Variants in SLC19A1 observed in about 807,000 individuals in gnomAD.
The protein encoded by SLC19A1 is reduced folate transporter.
In SLC19A1, 37 loss-of-function variants were observed where a neutral mutation model predicts 35.3. That is an observed-to-expected ratio of 1.05 (90% confidence interval 0.81 to 1.38). SLC19A1 has a LOEUF of 1.38. SLC19A1 is among the 40% of genes most tolerant of loss of function. SLC19A1 has a pLI of 0.00. For synonymous variants in SLC19A1, 460 were observed against 398.5 expected, an observed-to-expected ratio of 1.15 and a Z score of -1.84; for missense variants, 831 against 826.9, an observed-to-expected ratio of 1.00 and a Z score of -0.06.
At position 45,515,189 on chromosome 21, in the gene SLC19A1, A is replaced by C. The variant is rs1220899450; in HGVS notation, c.*469T>G. On this transcript the variant is annotated 3_prime_UTR_variant, in exon 6 of 6. Coordinates refer to ENST00000311124, the MANE Select transcript of SLC19A1 (RefSeq NM_194255.4). ...AAAAAAAAAAAAAGCATCTTTCAAAAAAGCAAGAGCACCAAGGATGACCAG... is the reference window on the plus strand; with the variant it reads ...AAAAAAAAAAAAAGCATCTTTCAAACAAGCAAGAGCACCAAGGATGACCAG... 1 of 1,522,288 alleles carries C rather than the reference A, an allele frequency of 6.6e-7. No individual in the cohort carries two copies. Among genetic ancestry groups the C allele is most frequent in the Admixed American group, 2.3e-5 (1 of 43,386 alleles). 94.3% of individuals were successfully genotyped at this position (1,522,288 alleles called of 1,614,324 possible).
rs139525055 is a variant in SLC19A1 at position 45,537,808 on chromosome 21, T to C, written c.152A>G (p.Tyr51Cys). 2.0e-6 allele frequency: 3 copies of C among 1,508,604 alleles called. No homozygotes were observed. Among genetic ancestry groups the C allele is most frequent in the African/African-American group, 3.1e-5 (2 of 65,018 alleles). 93.5% of individuals were successfully genotyped at this position (1,508,604 alleles called of 1,614,324 possible). The change falls in exon 2 of 6, where the codon TAC (tyrosine) becomes TGC (cysteine). Residue 51 changes from tyrosine to cysteine, a missense_variant. Physicochemically the swap from Tyr to Cys is radical, Grantham distance 194. Coordinates refer to ENST00000311124, the MANE Select transcript of SLC19A1 (RefSeq NM_194255.4). The part of the protein sequence containing the change: ...IRPGESFITP[Y>C]LLGPDKNFTR... Reference sequence around the variant, plus strand: ...GAAGTTCTTGTCGGGCCCCAGGAGGTAGGGGGTGATGAAGCTCTCCCCTGG... The same window carrying C: ...GAAGTTCTTGTCGGGCCCCAGGAGGCAGGGGGTGATGAAGCTCTCCCCTGG...
Position 45,530,781 on chromosome 21 carries a change from C to G in SLC19A1, c.1140G>C (p.Val380=). 6.4e-7 allele frequency: 1 copy of G among 1,560,844 alleles called. No individual in the cohort carries two copies. The highest frequency in any genetic ancestry group is 1.2e-5 in the South Asian group (1 of 85,208). The stretch of plus-strand genomic sequence containing the variant: ...CTTCTGGAACTCACGTGGCGATGGG[C>G]ACGAGGAACTGGTAGGAGCCGCGGA... ...VLFRGSYQFL[V]PIATFQIASS... is the part of the protein sequence containing the mutation. Residue 380 remains valine (V), a synonymous_variant, in exon 4 of 6, where the codon GTG becomes GTC. Transcript: ENST00000311124. The surrounding 1 kb of genome is among the most constrained non-coding windows in gnomAD (Gnocchi z 5.3).
chr21:45,511,043 CCCACAAACACCCACACCCAT>C, downstream of SLC19A1: 1 of 450,596 alleles, frequency 2.2e-6, no homozygotes, highest in Non-Finnish European at 3.9e-6. Flanking sequence ...CACACACCCC[CCCACAAACACCCACACCCAT>C]CCACACCCCC....
chr21:45,504,228 TCA>T, intron 3 of SLC19A1: 2 of 925,266 alleles, frequency 2.2e-6, no homozygotes, highest in South Asian at 2.9e-5. Context: ...TGTCCCCGGC[TCA>T]GTTTTTGGGG....
At chr21:45,506,069 CAGGTGGCAGCCAGCGCTTCTT>C (rs2037186933) in intron 3 of SLC19A1, 5 of 1,551,752 alleles carry the variant, frequency 3.2e-6, no homozygotes, top group Admixed American at 3.4e-5. Context: ...GGGATGGGAG[CAGGTGGCAGCCAGCGCTTCTT>C]AAACTTTCAA....
At position 45,534,707 on chromosome 21, in the gene SLC19A1, C is replaced by G; in HGVS notation, c.190-2559G>C. 1.1e-6 allele frequency: 1 copy of G among 924,194 alleles called. No individual in the cohort carries two copies. Among genetic ancestry groups the G allele is most frequent in the Admixed American group, 2.1e-5 (1 of 46,744 alleles). 57.2% of individuals were successfully genotyped at this position (924,194 alleles called of 1,614,324 possible). On this transcript the variant is annotated intron_variant, in intron 2 of 5. Coordinates refer to ENST00000311124, the MANE Select transcript of SLC19A1 (RefSeq NM_194255.4). This position sits in a 1 kb window ranked among gnomAD's most constrained non-coding sequence, Gnocchi z 4.2. ...CTCTCCCTGCACCTCCTCAACGGCC[C>G]CTACTCCCTCTTCCTCAGCCTTGGC...
intron 5 of SLC19A1, among the ~76,000 whole-genome samples, chr21:45,520,976 C>T (rs1009747004): frequency 7.3e-5 from 11 of 150,644 alleles, no homozygotes; most frequent in Admixed American, 2.0e-4. Flanking sequence ...GCTGAGATTG[C>T]GCCATTGCAC....
Position 45,530,962 on chromosome 21 carries a change from G to A in SLC19A1, c.959C>T (p.Thr320Met). ...CTTCACGAAGCCCGCGGCGAAGGAC[G>A]TGATGGCGCCTGAGAGGGGAGGGAT... ...DAASTLLGAI[T>M]SFAAGFVKIR... Residue 320 changes from threonine (T) to methionine (M), a missense_variant, in exon 4 of 6, where the codon ACG becomes ATG. Physicochemically the swap from Thr to Met is moderately conservative, Grantham distance 81 (BLOSUM62 -1). Coordinates refer to ENST00000311124, the MANE Select transcript of SLC19A1 (RefSeq NM_194255.4). The surrounding 1 kb of genome is among the most constrained non-coding windows in gnomAD (Gnocchi z 5.3). 1.4e-6 allele frequency: 2 copies of A among 1,446,810 alleles called. No individual in the cohort carries two copies. The highest frequency in any genetic ancestry group is 1.8e-6 in the Non-Finnish European group (2 of 1,102,586). 89.6% of individuals were successfully genotyped at this position (1,446,810 alleles called of 1,614,324 possible).
chr21:45,523,997 G>A lies in SLC19A1; in HGVS notation c.1293+1820C>T, dbSNP rs192288344. 4.4e-3 allele frequency among the ~76,000 whole-genome samples: 672 copies of A among 152,314 alleles called. 3 individuals are homozygous for A. Among genetic ancestry groups the A allele is most frequent in the Admixed American group, 8.4e-3 (129 of 15,310 alleles). On this transcript the variant is annotated intron_variant, in intron 5 of 5. Transcript: ENST00000311124. ...CCTGAGACCAGCCCGGCCACCAGGA[G>A]GCTGTGTCCACCCAGGCCGGGCCTG... is the stretch of plus-strand genomic sequence containing the variant.
At chr21:45,547,335 G>A (rs188048410), upstream of SLC19A1, among the ~76,000 whole-genome samples, 313 of 152,222 alleles carry the variant, frequency 2.1e-3, 2 homozygotes, top group African/African-American at 7.1e-3. Flanking sequence ...TCTGGGCAAG[G>A]GCATTCCAAA....
intron 1 of SLC19A1, among the ~76,000 whole-genome samples, chr21:45,550,917 T>TC (rs1167628576): frequency 0.71 from 52,907 of 74,674 alleles, 16,473 homozygotes; most frequent in Middle Eastern, 0.73. Context: ...CCCCCCACCC[T>TC]CCCCCCGCCT....
intron 1 of SLC19A1, among the ~76,000 whole-genome samples, chr21:45,551,410 T>C (rs776370017): frequency 6.6e-6 from 1 of 152,228 alleles, no homozygotes; most frequent in Non-Finnish European, 1.5e-5. Context: ...AAACTAGGAA[T>C]AATAAACCAT....
At position 45,515,066 on chromosome 21, in the gene SLC19A1, G is replaced by A. The variant is rs1159075468; in HGVS notation, c.*592C>T. ...GGAACCAGCTCCGAGGACCAGAGCC[G>A]CTGCTCCCCTCTGATGACAATGTGT... On this transcript the variant is annotated 3_prime_UTR_variant, in exon 6 of 6. Transcript: ENST00000311124. 3.1e-5 allele frequency: 48 copies of A among 1,544,602 alleles called. 1 individual carries two copies. Among genetic ancestry groups the A allele is most frequent in the South Asian group, 9.6e-5 (8 of 82,952 alleles).
In SLC19A1 at chr21:45,534,324, G is replaced by A. The variant is rs118180860; in HGVS notation, c.190-2176C>T. On this transcript the variant is annotated intron_variant, in intron 2 of 5. Transcript: ENST00000311124. The surrounding 1 kb of genome is among the most constrained non-coding windows in gnomAD (Gnocchi z 4.2). ...AACCCCTGCAGATTCCGAAAGAAGC[G>A]GCTCAGAGGCAGGGGTCCTCCTAGG... Among the ~76,000 whole-genome samples the A allele has an allele frequency of 6.6e-6, 1 of 152,256 alleles. No homozygotes were observed. The highest frequency in any genetic ancestry group is 1.9e-4 in the East Asian group (1 of 5,158).
rs1042090291 is a variant in SLC19A1, at chr21:45,517,555, T to C, written c.1294-1415A>G. On this transcript the variant is annotated intron_variant, in intron 5 of 5. Coordinates refer to ENST00000311124, the MANE Select transcript of SLC19A1 (RefSeq NM_194255.4). This position sits in a 1 kb window ranked among gnomAD's most constrained non-coding sequence, Gnocchi z 4.4. The stretch of plus-strand genomic sequence containing the variant: ...AGCCTCATGGAGTCAGTGGAGACCA[T>C]GTGGGGAGCCTAGTCACCCCCGAAG... Among the ~76,000 whole-genome samples the C allele has an allele frequency of 2.0e-5, 3 of 151,858 alleles. No individual in the cohort carries two copies. The highest frequency in any genetic ancestry group is 2.9e-5 in the Non-Finnish European group (2 of 67,924).
intron 4 of SLC19A1, 66 bp from the exon 5 acceptor site, chr21:45,526,024 C>T: frequency 6.4e-7 from 1 of 1,566,942 alleles, no homozygotes; most frequent in Non-Finnish European, 8.7e-7. Context: ...AGGGAAAAGC[C>T]TGCAGCCCGG....
rs765947357 is a variant in SLC19A1 at position 45,540,780 on chromosome 21, G to C, written c.-50+1588C>G. On this transcript the variant is annotated intron_variant, in intron 1 of 5. Coordinates refer to ENST00000311124, the MANE Select transcript of SLC19A1 (RefSeq NM_194255.4). This position sits in a 1 kb window ranked among gnomAD's most constrained non-coding sequence, Gnocchi z 5.5. ...GTCCCCGACCAGACAGGAGGGCCACGGGGAAGCAGAGAGAATCCCTGCCTT... is the reference window on the plus strand; with the variant it reads ...GTCCCCGACCAGACAGGAGGGCCACCGGGAAGCAGAGAGAATCCCTGCCTT... Among the ~76,000 whole-genome samples the C allele has an allele frequency of 6.6e-6, 1 of 152,124 alleles. No individual in the cohort carries two copies. The highest frequency in any genetic ancestry group is 1.9e-4 in the East Asian group (1 of 5,186).
chr21:45,511,370 G>T (rs189271623), downstream of SLC19A1: 257 of 678,962 alleles, frequency 3.8e-4, no homozygotes, highest in African/African-American at 3.7e-3. Flanking sequence ...ATCCAAAAGA[G>T]CATTGAGAAA....
chr21:45,503,187 A>G (rs1330779665), intron 3 of SLC19A1, among the ~76,000 whole-genome samples: 1 of 152,190 alleles, frequency 6.6e-6, no homozygotes, highest in Non-Finnish European at 1.5e-5. Context: ...AGTCCCACCA[A>G]CAGTGTAAAA....
Sources: allele counts gnomAD v4.1 joint callset (sites outside exome capture counted in the v4.1 genomes callset), GRCh38; gene constraint gnomAD v4.1.1; non-coding constraint Gnocchi (gnomAD v3.1); transcripts MANE v1.5; gene names NCBI Gene and HGNC (gene_info 2026-07-23, HGNC 2026-07-21).